Variants in XXYLT1 observed in about 807,000 individuals in gnomAD.
XXYLT1 encodes xyloside xylosyltransferase 1.
Under a neutral mutation model 28.9 loss-of-function variants are expected in XXYLT1, and 20 were observed. That is an observed-to-expected ratio of 0.69 (90% CI 0.49 to 1.00). XXYLT1 has a LOEUF of 1.00. Among genes scored for constraint, XXYLT1 ranks in the 50% least tolerant of loss-of-function variants. The pLI is 0.00. For synonymous variants in XXYLT1, 257 were observed against 253.8 expected (o/e 1.01, Z -0.12); for missense variants, 542 against 560.1 (o/e 0.97, Z 0.33).
intron 3 of XXYLT1, among the ~76,000 whole-genome samples, chr3:195,149,565 G>A (rs1188080276): frequency 6.6e-6 from 1 of 152,148 alleles, no homozygotes; most frequent in African/African-American, 2.4e-5. Flanking sequence ...AGGGAGTGGG[G>A]GCTGCCTCGG....
intron 3 of XXYLT1, among the ~76,000 whole-genome samples, chr3:195,100,552 C>T (rs1716720040): frequency 6.6e-6 from 1 of 152,072 alleles, no homozygotes; most frequent in Admixed American, 6.5e-5. Flanking sequence ...GTGATGTGGC[C>T]TCTACCCCTG....
intron 3 of XXYLT1, among the ~76,000 whole-genome samples, chr3:195,144,756 G>A (rs1719743621): frequency 6.6e-6 from 1 of 152,148 alleles, no homozygotes; most frequent in Non-Finnish European, 1.5e-5. Context: ...ATGCAGAAGT[G>A]TGTTTCCTTG....
At chr3:195,088,682 C>T (rs1472308858) in intron 3 of XXYLT1, among the ~76,000 whole-genome samples, 3 of 140,966 alleles carry the variant, frequency 2.1e-5, no homozygotes, top group Non-Finnish European at 4.6e-5. Flanking sequence ...TGGAGAATGA[C>T]TTTGACGAGC....
chr3:195,107,523 A>AGGAGGAAGGAGGAAGG (rs1295593334), intron 3 of XXYLT1, among the ~76,000 whole-genome samples: 2 of 26,834 alleles, frequency 7.5e-5, no homozygotes, highest in Non-Finnish European at 8.2e-5. Flanking sequence ...AAGAAGGAGG[A>AGGAGGAAGGAGGAAGG]GGAAGGAGGA....
chr3:195,094,372 T>G (rs1454654897), intron 3 of XXYLT1, among the ~76,000 whole-genome samples: 1 of 152,038 alleles, frequency 6.6e-6, no homozygotes, highest in East Asian at 1.9e-4. Context: ...CAGTGTCACC[T>G]CGCCCTTTGC....
intron 2 of XXYLT1, among the ~76,000 whole-genome samples, chr3:195,169,935 G>C (rs573616335): frequency 6.7e-6 from 1 of 149,480 alleles, no homozygotes; most frequent in East Asian, 2.0e-4. Context: ...GCACGATCTC[G>C]GCTCACCGCA....
intron 2 of XXYLT1, among the ~76,000 whole-genome samples, chr3:195,200,370 A>G (rs554884057): frequency 2.6e-5 from 4 of 152,330 alleles, no homozygotes; most frequent in Admixed American, 2.6e-4. Flanking sequence ...TCCCACTGCC[A>G]AGGGTGGATT....
At chr3:195,110,288 T>G (rs1330140758) in intron 3 of XXYLT1, among the ~76,000 whole-genome samples, 12 of 6,460 alleles carry the variant, frequency 1.9e-3, no homozygotes, top group South Asian at 0.01. Context: ...GTGGGGTGTA[T>G]GTGTGCGTGT....
chr3:195,110,572 GTGT>G (rs1356135479), intron 3 of XXYLT1, among the ~76,000 whole-genome samples: 2 of 112,986 alleles, frequency 1.8e-5, no homozygotes, highest in South Asian at 3.1e-4. Context: ...TGTATGTGGT[GTGT>G]TGTGTGGTGT....
chr3:195,198,774 A>G (rs1007841237), intron 2 of XXYLT1, among the ~76,000 whole-genome samples: 6 of 152,204 alleles, frequency 3.9e-5, no homozygotes, highest in African/African-American at 1.4e-4. Context: ...CAGTGTTCAC[A>G]AGGTCATGGC....
chr3:195,136,692 A>G (rs1719218915), intron 3 of XXYLT1, among the ~76,000 whole-genome samples: 1 of 152,228 alleles, frequency 6.6e-6, no homozygotes, highest in Non-Finnish European at 1.5e-5. Context: ...ACAGGACGAC[A>G]GCACTGCTAT....
intron 2 of XXYLT1, among the ~76,000 whole-genome samples, chr3:195,196,562 A>G (rs1366011634): frequency 1.8e-4 from 28 of 152,240 alleles, no homozygotes; most frequent in Non-Finnish European, 2.9e-5. Context: ...ACAGGCAGAT[A>G]GGCGGAGAAA....
chr3:195,096,222 G>A (rs1716434220), intron 3 of XXYLT1, among the ~76,000 whole-genome samples: 1 of 152,172 alleles, frequency 6.6e-6, no homozygotes, highest in Non-Finnish European at 1.5e-5. Flanking sequence ...TAAGCCTGGG[G>A]CCACCTAGGG....
intron 3 of XXYLT1, among the ~76,000 whole-genome samples, chr3:195,119,539 G>A (rs976718237): frequency 1.3e-5 from 2 of 152,074 alleles, no homozygotes; most frequent in Non-Finnish European, 2.9e-5. Flanking sequence ...GAAACCAGGA[G>A]AGGATTCCAA....
At chr3:195,118,538 T>A (rs1356110663) in intron 3 of XXYLT1, among the ~76,000 whole-genome samples, 4 of 152,192 alleles carry the variant, frequency 2.6e-5, no homozygotes, top group Admixed American at 6.5e-5. Flanking sequence ...GAGGTTAGGC[T>A]TGGCTTCCTT....
chr3:195,165,404 C>T (rs1008648817), intron 2 of XXYLT1, among the ~76,000 whole-genome samples: 7 of 152,126 alleles, frequency 4.6e-5, no homozygotes, highest in African/African-American at 9.7e-5. Flanking sequence ...GGCTTCTCAG[C>T]GAGAGGAAGA....
intron 2 of XXYLT1, among the ~76,000 whole-genome samples, chr3:195,186,159 A>G (rs1722188011): frequency 6.6e-6 from 1 of 152,120 alleles, no homozygotes; most frequent in Non-Finnish European, 1.5e-5. Flanking sequence ...TCCCCTCTTC[A>G]AAACCTTCCA....
chr3:195,141,953 A>G (rs1229498097), intron 3 of XXYLT1, among the ~76,000 whole-genome samples: 1 of 152,266 alleles, frequency 6.6e-6, no homozygotes, highest in Non-Finnish European at 1.5e-5. Flanking sequence ...GAACCAAAGG[A>G]AAACAAAATC....
At chr3:195,109,533 G>C (rs569170278) in intron 3 of XXYLT1, among the ~76,000 whole-genome samples, 1 of 125,820 alleles carries the variant, frequency 7.9e-6, no homozygotes, top group South Asian at 2.7e-4. Flanking sequence ...TGTGTGTGGT[G>C]TACATGTGTA....
Sources: allele counts gnomAD v4.1 joint callset (sites outside exome capture counted in the v4.1 genomes callset), GRCh38; gene constraint gnomAD v4.1.1; transcripts MANE v1.5; gene names NCBI Gene and HGNC (gene_info 2026-07-23, HGNC 2026-07-21).